The following CFAP54 variants were observed in gnomAD, a reference collection of about 807,000 sequenced individuals.
The protein encoded by CFAP54 is cilia- and flagella-associated protein 54.
Under a neutral mutation model 370.4 loss-of-function variants are expected in CFAP54, and 290 were observed. That is an observed-to-expected ratio of 0.78 (90% CI 0.71 to 0.86). CFAP54 has a LOEUF of 0.86. Among genes scored for constraint, CFAP54 ranks in the 40% least tolerant of loss-of-function variants. The probability of loss-of-function intolerance (pLI) is 0.00; values close to 1 mark genes in which losing one functional copy is unlikely to be tolerated. For synonymous variants in CFAP54, 1,206 were observed against 1,236.5 expected, an observed-to-expected ratio of 0.98 and a Z score of 0.52; for missense variants, 3,399 against 3,528.7, an observed-to-expected ratio of 0.96 and a Z score of 0.93.
rs1316958300 is a variant in CFAP54, at chr12:96,684,676, T to A, written c.5745T>A (p.Ser1915Arg). The change falls in exon 41 of 68, where the codon AGT (serine) becomes AGA (arginine). Residue 1915 changes from serine (S) to arginine (R), a missense_variant. Transcript: ENST00000524981. Reference protein sequence around the residue: ...QDVLQASNQRSLKVQALHSLG... With the variant: ...QDVLQASNQRRLKVQALHSLG... ...TTCTCCAAGCCAGCAATCAAAGAAG[T>A]CTTAAAGTTCAGGCGTTGCATTCAC... 1 of 1,612,814 alleles carries A rather than the reference T, an allele frequency of 6.2e-7. No individual in the cohort carries two copies. Among genetic ancestry groups the A allele is most frequent in the East Asian group, 2.2e-5 (1 of 44,864 alleles).
chr12:96,705,765 C>A (rs1383023448), intron 47 of CFAP54, among the ~76,000 whole-genome samples: 1 of 151,970 alleles, frequency 6.6e-6, no homozygotes, highest in Non-Finnish European at 1.5e-5. Context: ...TGTTTTTTTG[C>A]ATAAAGGGAA....
intron 48 of CFAP54, among the ~76,000 whole-genome samples, chr12:96,716,007 T>C (rs574971621): frequency 8.7e-4 from 132 of 152,300 alleles, no homozygotes; most frequent in Non-Finnish European, 1.3e-3. Flanking sequence ...CCTTTTTCTC[T>C]CGTGCTTTTC....
At chr12:96,647,803 T>C (rs1956813610) in intron 33 of CFAP54, 72 bp from the exon 34 acceptor site, 12 of 1,318,706 alleles carry the variant, frequency 9.1e-6, no homozygotes, top group Non-Finnish European at 1.1e-5. Context: ...AAAATAAAAA[T>C]AGATTGCATT....
chr12:96,604,002 G>C (rs577219375), intron 26 of CFAP54, among the ~76,000 whole-genome samples: 121 of 152,312 alleles, frequency 7.9e-4, no homozygotes, highest in African/African-American at 2.7e-3. Context: ...TCCCCTTGCT[G>C]GTGAGGAGTT....
intron 13 of CFAP54, among the ~76,000 whole-genome samples, chr12:96,539,032 TA>T (rs1419764385): frequency 6.7e-6 from 1 of 150,170 alleles, no homozygotes; most frequent in African/African-American, 2.5e-5. Flanking sequence ...TGGATTATTA[TA>T]GGCATGAGCC....
At chr12:96,680,690 G>A (rs1592705576) in intron 40 of CFAP54, among the ~76,000 whole-genome samples, 1 of 151,212 alleles carries the variant, frequency 6.6e-6, no homozygotes, top group East Asian at 2.0e-4. Flanking sequence ...TCTATGATAT[G>A]TATCCATAGT....
At chr12:96,569,066 G>C (rs1257357685) in intron 19 of CFAP54, among the ~76,000 whole-genome samples, 1 of 109,328 alleles carries the variant, frequency 9.1e-6, no homozygotes, top group Non-Finnish European at 1.9e-5. Flanking sequence ...TCTACTTCTG[G>C]TCAAATATAG....
chr12:96,772,630 TTGCCCAGGCTGGAGTGCAATGGCATAC>T (rs370014815), intron 60 of CFAP54, among the ~76,000 whole-genome samples: 6,668 of 150,374 alleles, frequency 0.044, 469 homozygotes, highest in African/African-American at 0.15. Context: ...TTTGCTCTTG[TTGCCCAGGCTGGAGTGCAATGGCATAC>T]TGCCCAGGCT....
At chr12:96,728,645 G>A (rs1345929026) in intron 50 of CFAP54, among the ~76,000 whole-genome samples, 6 of 152,168 alleles carry the variant, frequency 3.9e-5, no homozygotes, top group Non-Finnish European at 8.8e-5. Flanking sequence ...GCTCGGAGTA[G>A]TTTGATCATC....
intron 65 of CFAP54, among the ~76,000 whole-genome samples, chr12:96,825,472 A>T (rs1293843346): frequency 1.7e-5 from 2 of 117,308 alleles, no homozygotes; most frequent in Non-Finnish European, 3.2e-5. Context: ...AATATATTAT[A>T]TATATTATAT....
chr12:96,760,243 C>T (rs1253480121), intron 58 of CFAP54, among the ~76,000 whole-genome samples: 1 of 151,996 alleles, frequency 6.6e-6, no homozygotes, highest in East Asian at 1.9e-4. Context: ...AGAAAACAGT[C>T]CACAGAGAGA....
chr12:96,771,626 T>C (rs1004430306), intron 60 of CFAP54, among the ~76,000 whole-genome samples: 5 of 152,126 alleles, frequency 3.3e-5, no homozygotes, highest in Admixed American at 1.3e-4. Flanking sequence ...CACTCCGGCC[T>C]GGGCAAAAGA....
intron 48 of CFAP54, among the ~76,000 whole-genome samples, chr12:96,714,891 T>G (rs1957657459): frequency 6.6e-6 from 1 of 152,102 alleles, no homozygotes; most frequent in Admixed American, 6.6e-5. Context: ...ATATCTAACA[T>G]GATACCCTTA....
intron 51 of CFAP54, among the ~76,000 whole-genome samples, 180 bp from the exon 52 acceptor site, chr12:96,742,259 G>T (rs867773025): frequency 6.6e-6 from 1 of 152,144 alleles, no homozygotes. Context: ...TGGATTGTGG[G>T]TGATTTTGTT....
At chr12:96,492,810 T>G (rs568755624) in intron 1 of CFAP54, among the ~76,000 whole-genome samples, 1 of 152,258 alleles carries the variant, frequency 6.6e-6, no homozygotes, top group South Asian at 2.1e-4. Context: ...CTGGCCAACA[T>G]GGCAAAACTC....
intron 63 of CFAP54, among the ~76,000 whole-genome samples, chr12:96,806,321 G>A (rs1445336337): frequency 1.3e-5 from 2 of 150,062 alleles, no homozygotes; most frequent in Non-Finnish European, 3.0e-5. Flanking sequence ...GACTCAGATG[G>A]ATAAGGATGA....
intron 66 of CFAP54, among the ~76,000 whole-genome samples, chr12:96,852,067 G>A (rs1467076033): frequency 1.3e-5 from 2 of 152,020 alleles, no homozygotes; most frequent in African/African-American, 2.4e-5. Flanking sequence ...TATAACAGAA[G>A]CAATAATCAG....
chr12:96,693,920 C>A, intron 45 of CFAP54, 112 bp downstream of exon 45: 1 of 597,940 alleles, frequency 1.7e-6, no homozygotes, highest in Non-Finnish European at 2.8e-6. Context: ...CATGGCATTA[C>A]ACTGATGTAA....
rs1488561866 is a variant in CFAP54, at chr12:96,792,407, A to G, written c.8758A>G (p.Ile2920Val). The change falls in exon 63 of 68, where the codon ATA becomes GTA. Residue 2920 changes from isoleucine (I) to valine (V), a missense_variant. By Grantham distance (29) the Ile-to-Val change is conservative (BLOSUM62 3). This residue lies in a region of CFAP54 where 2,796 missense variants were observed against 2,869.7 expected (regional missense o/e 0.97). Coordinates refer to ENST00000524981, the MANE Select transcript of CFAP54 (RefSeq NM_001306084.2). Reference sequence around the variant, plus strand: ...CTCATCTTGTGTGGACATAACGCCAATAGAAATGGTAACGCAAGCTTCAAA... The same window carrying G: ...CTCATCTTGTGTGGACATAACGCCAGTAGAAATGGTAACGCAAGCTTCAAA... ...SGSSCVDITP[I>V]EMVTQASNKE... 1.3e-6 allele frequency: 2 copies of G among 1,535,856 alleles called. No homozygotes were observed. Among genetic ancestry groups the G allele is most frequent in the Non-Finnish European group, 1.7e-6 (2 of 1,146,794 alleles).
Sources: gnomAD v4.1 joint callset for allele counts (sites outside exome capture counted in the v4.1 genomes callset) on GRCh38, gnomAD v4.1.1 for gene constraint, gnomAD v4.1.1 regional missense constraint, MANE v1.5 for transcripts, NCBI Gene and HGNC (gene_info 2026-07-23, HGNC 2026-07-21) for gene names.